The following GTF2A2 variants were observed in gnomAD, a reference collection of about 807,000 sequenced individuals.
The protein encoded by GTF2A2 is general transcription factor IIA subunit 2, also known as transcription initiation factor IIA subunit 2.
GTF2A2 carries 9 observed loss-of-function variants against 14.3 expected under a neutral mutation model. The ratio of observed to expected loss-of-function variants is 0.63; its 90% CI spans 0.38 to 1.10. The LOEUF (loss-of-function observed/expected upper bound fraction) is 1.10. Ranked by LOEUF, GTF2A2 falls within the 50% of genes least tolerant of loss-of-function variation. The pLI, the probability that GTF2A2 is intolerant of heterozygous loss-of-function variation, is 0.01. For synonymous variants in GTF2A2, 56 were observed against 46.0 expected, an observed-to-expected ratio of 1.22 and a Z score of -0.88; for missense variants, 90 against 124.6, an observed-to-expected ratio of 0.72 and a Z score of 1.32.
intron 2 of GTF2A2, chr15:59,651,491 T>C (rs1891791434): frequency 6.6e-6 from 1 of 152,242 alleles, no homozygotes; most frequent in Non-Finnish European, 1.5e-5. Flanking sequence ...ATACTTAATA[T>C]GTTTTTATTT....
intron 4 of GTF2A2, among the ~76,000 whole-genome samples, chr15:59,641,561 T>C (rs1159361104): frequency 1.3e-5 from 2 of 151,546 alleles, no homozygotes; most frequent in Non-Finnish European, 2.9e-5. Flanking sequence ...TAAAATAATA[T>C]AATTAGCAAA....
In GTF2A2 at chr15:59,638,636, A is replaced by G. The variant is rs1363322752; in HGVS notation, c.*496T>C. On this transcript the variant is annotated 3_prime_UTR_variant, in exon 5 of 5. Transcript: ENST00000396060. ...GTACTTGGGTTTTTTTATACCAATG[A>G]TTAACTTTGGTTTTGTATTTTAAAA... 6.6e-6 allele frequency: 1 copy of G among 152,302 alleles called. No individual in the cohort carries two copies. Among genetic ancestry groups the G allele is most frequent in the Non-Finnish European group, 1.5e-5 (1 of 68,180 alleles). 9.4% of individuals were successfully genotyped at this position (152,302 alleles called of 1,614,324 possible).
At chr15:59,654,458 A>G (rs1038384559) in intron 1 of GTF2A2, among the ~76,000 whole-genome samples, 33 of 152,178 alleles carry the variant, frequency 2.2e-4, no homozygotes, top group African/African-American at 8.0e-4. Flanking sequence ...TAATCAACCT[A>G]TAAGAAAGAA....
chr15:59,638,928 A>C lies in GTF2A2; in HGVS notation c.*204T>G. 4.1e-6 allele frequency: 2 copies of C among 490,834 alleles called. No homozygotes were observed. The highest frequency in any genetic ancestry group is 5.6e-5 in the South Asian group (2 of 35,894). The allele number at this position is 490,834 out of a possible 1,614,324, so 30.4% of individuals were successfully genotyped here. A position where few individuals can be genotyped will look rare whatever the true frequency, so the allele number is the denominator to read the frequency against. ...AGGAAGGCAACAACTTTTGTCCTTAAAAAAAAGTTATGGTTTTTCATGCTG... is the reference window on the plus strand; with the variant it reads ...AGGAAGGCAACAACTTTTGTCCTTACAAAAAAGTTATGGTTTTTCATGCTG... On this transcript the variant is annotated 3_prime_UTR_variant, in exon 5 of 5. Coordinates refer to ENST00000396060, the MANE Select transcript of GTF2A2 (RefSeq NM_004492.3).
chr15:59,654,122 G>A (rs879917161), intron 1 of GTF2A2, among the ~76,000 whole-genome samples: 6 of 152,082 alleles, frequency 3.9e-5, no homozygotes, highest in Non-Finnish European at 5.9e-5. Flanking sequence ...TAAAACATAA[G>A]GCAAATCACA....
intron 3 of GTF2A2, among the ~76,000 whole-genome samples, chr15:59,648,297 A>G (rs1256319108): frequency 6.6e-6 from 1 of 150,404 alleles, no homozygotes; most frequent in East Asian, 2.0e-4. Context: ...AATCCCAGCT[A>G]TTCAGGAGGC....
chr15:59,645,075 C>A (rs759750829), intron 3 of GTF2A2, among the ~76,000 whole-genome samples: 8 of 151,982 alleles, frequency 5.3e-5, no homozygotes, highest in African/African-American at 1.9e-4. Context: ...AAAGTAGGAC[C>A]GGTAGGAATG....
intron 1 of GTF2A2, 138 bp downstream of exon 1, chr15:59,657,268 G>T (rs1451796153): frequency 6.6e-6 from 1 of 152,290 alleles, no homozygotes; most frequent in East Asian, 1.9e-4. Flanking sequence ...GGGCCTTGCC[G>T]GCAACGGTCG....
chr15:59,654,703 G>C (rs1455939151), intron 1 of GTF2A2, among the ~76,000 whole-genome samples: 1 of 152,152 alleles, frequency 6.6e-6, no homozygotes, highest in Non-Finnish European at 1.5e-5. Flanking sequence ...ATGTATCTGA[G>C]TATGACACAA....
chr15:59,639,589 A>C (rs1335921266), intron 4 of GTF2A2, among the ~76,000 whole-genome samples: 1 of 148,734 alleles, frequency 6.7e-6, no homozygotes, highest in Non-Finnish European at 1.5e-5. Context: ...CAGCCTCCCG[A>C]GTAGCTGGGA....
chr15:59,649,941 A>G (rs150535156), intron 3 of GTF2A2, among the ~76,000 whole-genome samples: 20 of 152,338 alleles, frequency 1.3e-4, no homozygotes, highest in African/African-American at 4.6e-4. Context: ...TCTTTTGACT[A>G]TATTTCTACA....
rs191943209 is a variant in GTF2A2 at position 59,638,487 on chromosome 15, C to T, written c.*645G>A. On this transcript the variant is annotated 3_prime_UTR_variant, in exon 5 of 5. Transcript: ENST00000396060. ...GGATCAATATGGCAAGCTGAAGACA[C>T]CTGTCATGTGGGGGGACTATTTTGT... 8.5e-5 allele frequency: 13 copies of T among 152,220 alleles called. No individual in the cohort carries two copies. Among genetic ancestry groups the T allele is most frequent in the Admixed American group, 8.5e-4 (13 of 15,266 alleles). The allele number at this position is 152,220 out of a possible 1,614,324, so 9.4% of individuals were successfully genotyped here. A position where few individuals can be genotyped will look rare whatever the true frequency, so the allele number is the denominator to read the frequency against.
intron 4 of GTF2A2, 108 bp downstream of exon 4, chr15:59,642,028 T>C: frequency 1.1e-6 from 1 of 888,498 alleles, no homozygotes; most frequent in South Asian, 1.8e-5. Flanking sequence ...TGGGAATTGA[T>C]CATAGGGCCA....
At chr15:59,652,625 C>A (rs1338765231) in intron 1 of GTF2A2, among the ~76,000 whole-genome samples, 6 of 152,040 alleles carry the variant, frequency 3.9e-5, no homozygotes, top group Non-Finnish European at 8.8e-5. Flanking sequence ...TAGAATTTTC[C>A]ATGTACTGTC....
chr15:59,655,456 A>G (rs1451121480), intron 1 of GTF2A2, among the ~76,000 whole-genome samples: 1 of 152,214 alleles, frequency 6.6e-6, no homozygotes, highest in African/African-American at 2.4e-5. Flanking sequence ...GACACAGCTG[A>G]TTACTCCCTC....
chr15:59,648,795 G>A (rs1473817452), intron 3 of GTF2A2, among the ~76,000 whole-genome samples: 1 of 151,994 alleles, frequency 6.6e-6, no homozygotes, highest in Non-Finnish European at 1.5e-5. Flanking sequence ...TTAGCCAGGC[G>A]TGGTGGCGGG....
chr15:59,652,145 G>C (rs1891812889), intron 2 of GTF2A2, 61 bp downstream of exon 2: 2 of 931,388 alleles, frequency 2.1e-6, no homozygotes, highest in Non-Finnish European at 3.5e-6. Flanking sequence ...TAAGTGATAT[G>C]ACAAGAATTA....
intron 1 of GTF2A2, among the ~76,000 whole-genome samples, chr15:59,655,794 T>C (rs1224999559): frequency 1.3e-5 from 2 of 152,336 alleles, no homozygotes; most frequent in East Asian, 1.9e-4. Context: ...TCCATACTTC[T>C]ACGAGCTTGG....
chr15:59,642,817 A>C (rs1891474986), intron 3 of GTF2A2, among the ~76,000 whole-genome samples: 1 of 152,128 alleles, frequency 6.6e-6, no homozygotes, highest in Non-Finnish European at 1.5e-5. Flanking sequence ...GCCACGCTGG[A>C]GTGCAGTGGT....
Sources: gnomAD v4.1 joint callset for allele counts (sites outside exome capture counted in the v4.1 genomes callset) on GRCh38, gnomAD v4.1.1 for gene constraint, MANE v1.5 for transcripts, NCBI Gene and HGNC (gene_info 2026-07-23, HGNC 2026-07-21) for gene names.